The following APP variants were observed in gnomAD, a reference collection of about 807,000 sequenced individuals.
The protein encoded by APP is amyloid beta precursor protein, also known as amyloid-beta precursor protein.
Under a neutral mutation model 101.4 loss-of-function variants are expected in APP, and 31 were observed. That is an observed-to-expected ratio of 0.31 (90% CI 0.23 to 0.41). The LOEUF is 0.41. Among genes scored for constraint, APP ranks in the 10% least tolerant of loss-of-function variants. The pLI is 1.00. For missense variants in APP, 839 were observed against 1,003.7 expected, an observed-to-expected ratio of 0.84 and a Z score of 2.22; for synonymous variants, 366 against 364.4, an observed-to-expected ratio of 1.00 and a Z score of -0.05.
At chr21:26,093,880 C>A (rs905809486) in intron 2 of APP, among the ~76,000 whole-genome samples, 1 of 152,088 alleles carries the variant, frequency 6.6e-6, no homozygotes, top group Admixed American at 6.5e-5. Context: ...CTTTGGGAGG[C>A]CGAGGCGGGC....
At chr21:25,953,701 T>G (rs945848339) in intron 13 of APP, among the ~76,000 whole-genome samples, 1 of 152,220 alleles carries the variant, frequency 6.6e-6, no homozygotes, top group Admixed American at 6.5e-5. Context: ...GTGAAGTAAG[T>G]TAAACAGTTA....
intron 3 of APP, among the ~76,000 whole-genome samples, chr21:26,059,622 G>T (rs1395694766): frequency 6.6e-6 from 1 of 152,154 alleles, no homozygotes; most frequent in African/African-American, 2.4e-5. Flanking sequence ...CGGGCACAGT[G>T]GCTCAAGTCT....
At chr21:26,072,184 G>A (rs1232054274) in intron 3 of APP, among the ~76,000 whole-genome samples, 4 of 152,144 alleles carry the variant, frequency 2.6e-5, no homozygotes, top group Admixed American at 6.5e-5. Context: ...CAGTTCTCAC[G>A]TGCAAAAGAA....
intron 13 of APP, among the ~76,000 whole-genome samples, chr21:25,915,040 A>T (rs1268558207): frequency 6.6e-6 from 1 of 152,180 alleles, no homozygotes; most frequent in East Asian, 1.9e-4. Flanking sequence ...TCTTTGTTTC[A>T]GTGGGTCTTC....
At chr21:25,952,005 G>T (rs216780) in intron 13 of APP, among the ~76,000 whole-genome samples, 1 of 152,130 alleles carries the variant, frequency 6.6e-6, no homozygotes. Flanking sequence ...TACAGGGTTC[G>T]TTATTGCAAA....
intron 15 of APP, among the ~76,000 whole-genome samples, chr21:25,899,800 C>T (rs965506547): frequency 6.6e-6 from 1 of 152,192 alleles, no homozygotes; most frequent in African/African-American, 2.4e-5. Flanking sequence ...TGCTACGTAG[C>T]AATAGGTAAC....
In APP at chr21:25,975,285, T is replaced by A. The variant is rs1047577883; in HGVS notation, c.1300-57A>T. The A allele has an allele frequency of 4.7e-5, 75 of 1,609,368 alleles. No individual in the cohort carries two copies. The Middle Eastern group carries it at 4.9e-4, about 11-fold the overall frequency. On this transcript the variant is annotated intron_variant, in intron 10 of 17. Coordinates refer to ENST00000346798, the MANE Select transcript of APP (RefSeq NM_000484.4). ...CTGAATAAGTAGGATGAAGCAGCAA[T>A]TTCAAGTCTTCTAAAAAAGACATCC... is the stretch of plus-strand genomic sequence containing the variant.
intron 13 of APP, among the ~76,000 whole-genome samples, chr21:25,928,390 A>C (rs2146383005): frequency 6.7e-6 from 1 of 150,186 alleles, no homozygotes; most frequent in East Asian, 2.0e-4. Flanking sequence ...AAGTTTATAT[A>C]CTACAGAAAT....
At chr21:26,000,691 C>A (rs1395461189) in intron 6 of APP, among the ~76,000 whole-genome samples, 1 of 152,106 alleles carries the variant, frequency 6.6e-6, no homozygotes, top group Non-Finnish European at 1.5e-5. Context: ...TGGAAGCTGT[C>A]TGTCCATTGA....
At chr21:26,110,371 G>A (rs906327232) in intron 2 of APP, among the ~76,000 whole-genome samples, 7 of 152,086 alleles carry the variant, frequency 4.6e-5, no homozygotes, top group Non-Finnish European at 1.5e-5. Flanking sequence ...ATTTATACCC[G>A]GGAGGTGGAG....
At chr21:26,147,786 A>C (rs1213934708) in intron 1 of APP, among the ~76,000 whole-genome samples, 2 of 151,648 alleles carry the variant, frequency 1.3e-5, no homozygotes, top group South Asian at 2.1e-4. Flanking sequence ...AGGGCCTTAC[A>C]CACACCGGGC....
intron 5 of APP, among the ~76,000 whole-genome samples, chr21:26,031,780 C>A (rs1180589194): frequency 6.6e-6 from 1 of 152,158 alleles, no homozygotes; most frequent in African/African-American, 2.4e-5. Context: ...CACAGCCAGT[C>A]CATATCAGGA....
intron 17 of APP, among the ~76,000 whole-genome samples, chr21:25,887,155 GGGAGAGTAGCA>G (rs1284995054): frequency 6.6e-6 from 1 of 152,136 alleles, no homozygotes; most frequent in African/African-American, 2.4e-5. Flanking sequence ...GACATGTCTG[GGGAGAGTAGCA>G]GAAAGAGCTA....
intron 6 of APP, among the ~76,000 whole-genome samples, chr21:26,015,460 CAGTT>C (rs2044012401): frequency 6.6e-6 from 1 of 152,168 alleles, no homozygotes; most frequent in Non-Finnish European, 1.5e-5. Flanking sequence ...CAAATTTACA[CAGTT>C]AGTAGCTTGT....
intron 5 of APP, among the ~76,000 whole-genome samples, chr21:26,050,519 C>T (rs574976230): frequency 1.3e-5 from 2 of 152,164 alleles, no homozygotes; most frequent in South Asian, 4.2e-4. Flanking sequence ...TTTATTAATG[C>T]CTTTGACTTC....
intron 9 of APP, 102 bp from the exon 10 acceptor site, chr21:25,976,130 T>G (rs951721214): frequency 2.9e-6 from 3 of 1,019,000 alleles, no homozygotes; most frequent in Non-Finnish European, 4.5e-6. Flanking sequence ...TTTTGTCATT[T>G]TAGATATTTA....
chr21:25,899,435 C>T lies in APP; in HGVS notation c.1964-1762G>A, dbSNP rs535100598. Among the ~76,000 whole-genome samples, 10 of 152,280 alleles carry T rather than the reference C, an allele frequency of 6.6e-5. 1 individual carries two copies. Among genetic ancestry groups the T allele is most frequent in the African/African-American group, 2.4e-4 (10 of 41,556 alleles). On this transcript the variant is annotated intron_variant, in intron 15 of 17. Transcript: ENST00000346798. ...GCATGATAGAAGTGATGGTGTATGA[C>T]TTCTGAGACTGGGCCAAAAAAGGCA...
chr21:26,137,057 C>T (rs2062935928), intron 1 of APP, among the ~76,000 whole-genome samples: 1 of 151,650 alleles, frequency 6.6e-6, no homozygotes, highest in East Asian at 1.9e-4. Context: ...GCCTCCACCT[C>T]CGCCTCCTGA....
intron 13 of APP, among the ~76,000 whole-genome samples, chr21:25,932,475 G>T (rs927084043): frequency 2.0e-5 from 3 of 152,066 alleles, no homozygotes; most frequent in African/African-American, 7.2e-5. Context: ...CCCGCCTGGG[G>T]TAACTGCTTT....
Sources: allele counts gnomAD v4.1 joint callset (sites outside exome capture counted in the v4.1 genomes callset), GRCh38; gene constraint gnomAD v4.1.1; transcripts MANE v1.5; gene names NCBI Gene and HGNC (gene_info 2026-07-23, HGNC 2026-07-21).